SEMA3D: variants seen among roughly 807,000 people sequenced by gnomAD.
SEMA3D encodes semaphorin-3D.
SEMA3D carries 84 observed loss-of-function variants against 100.1 expected under a neutral mutation model. The observed-to-expected ratio is 0.84, with a 90% CI of 0.70 to 1.01. The LOEUF (loss-of-function observed/expected upper bound fraction) is 1.01. Among genes scored for constraint, SEMA3D ranks in the 50% least tolerant of loss-of-function variants. The pLI is 0.00. For missense variants in SEMA3D, 875 were observed against 934.1 expected (o/e 0.94, Z 0.82); for synonymous variants, 312 against 320.7 (o/e 0.97, Z 0.29).
intron 17 of SEMA3D, among the ~76,000 whole-genome samples, chr7:85,012,304 T>A (rs952118603): frequency 3.3e-5 from 5 of 151,790 alleles, no homozygotes; most frequent in African/African-American, 1.2e-4. Context: ...CACATGGAAG[T>A]CGCTTAATAA....
intron 3 of SEMA3D, 146 bp from the exon 4 acceptor site, chr7:85,098,111 A>C: frequency 7.4e-6 from 4 of 539,474 alleles, no homozygotes; most frequent in Non-Finnish European, 9.1e-6. Context: ...AAGAAAGAGA[A>C]AGAAAGAAAG....
rs543587368 is a variant in SEMA3D, at chr7:85,167,152, A to T, written c.-172-13413T>A. On this transcript the variant is annotated intron_variant, in intron 1 of 18. Transcript: ENST00000284136. ...CTGAAGATCATAAAAAGCCAAAACA[A>T]TATTATGTTTCATCATGCAGGGAGC... The T allele has an allele frequency of 1.5e-5, 7 of 477,282 alleles. No individual in the cohort carries two copies. The African/African-American group carries it at 1.5e-4, about 10-fold the overall frequency. 29.6% of individuals were successfully genotyped at this position (477,282 alleles called of 1,614,324 possible). A position where few individuals can be genotyped will look rare whatever the true frequency, so the allele number is the denominator to read the frequency against.
chr7:85,221,042 T>C, the SEMA3D span, among the ~76,000 whole-genome samples: 9 of 152,008 alleles, frequency 5.9e-5, no homozygotes, highest in Non-Finnish European at 1.2e-4. Context: ...TGGCCTCAGA[T>C]CTTTTCAAGC....
intron 2 of SEMA3D, among the ~76,000 whole-genome samples, chr7:85,130,526 G>A (rs928682035): frequency 1.3e-5 from 2 of 152,110 alleles, no homozygotes; most frequent in South Asian, 2.1e-4. Flanking sequence ...GCCCAGAAAC[G>A]AGCTGGATGT....
At chr7:85,052,997 G>A (rs556519586) in intron 9 of SEMA3D, among the ~76,000 whole-genome samples, 1 of 151,902 alleles carries the variant, frequency 6.6e-6, no homozygotes, top group Non-Finnish European at 1.5e-5. Context: ...AATAAAACTA[G>A]TTTTACAAGT....
chr7:85,081,373 C>A, intron 5 of SEMA3D, 144 bp downstream of exon 5: 1 of 517,062 alleles, frequency 1.9e-6, no homozygotes. Flanking sequence ...ATATTTTATT[C>A]CACATTAATA....
chr7:85,046,174 G>T (rs183839248), intron 9 of SEMA3D, among the ~76,000 whole-genome samples: 1 of 151,584 alleles, frequency 6.6e-6, no homozygotes, highest in Non-Finnish European at 1.5e-5. Context: ...CCTTTAATAG[G>T]CATATACAGT....
At chr7:85,158,632 C>A (rs1003924780) in intron 1 of SEMA3D, among the ~76,000 whole-genome samples, 2 of 152,166 alleles carry the variant, frequency 1.3e-5, no homozygotes, top group African/African-American at 2.4e-5. Flanking sequence ...TACCTTGTGA[C>A]ACATGTGATC....
chr7:85,058,556 G>A lies in SEMA3D; in HGVS notation c.719-2697C>T, dbSNP rs190950351. Among the ~76,000 whole-genome samples, 510 of 152,040 alleles carry A rather than the reference G, an allele frequency of 3.4e-3. 1 individual carries two copies. The highest frequency in any genetic ancestry group is 5.8e-3 in the Non-Finnish European group (396 of 68,002). ...AGGTAAAGAGATAGAGACCATCCTG[G>A]CTAACACGGTGAAAGCCCATCTCTA... On this transcript the variant is annotated intron_variant, in intron 8 of 18. Transcript: ENST00000284136.
chr7:85,098,356 C>T (rs139698047), intron 3 of SEMA3D, among the ~76,000 whole-genome samples: 252 of 151,544 alleles, frequency 1.7e-3, no homozygotes, highest in African/African-American at 4.3e-3. Flanking sequence ...AAATTAAATA[C>T]GAAATATTTT....
intron 6 of SEMA3D, among the ~76,000 whole-genome samples, chr7:85,068,574 C>G (rs951686273): frequency 2.0e-5 from 3 of 152,180 alleles, no homozygotes; most frequent in East Asian, 3.9e-4. Context: ...TTATCAATAT[C>G]GAAATCACCA....
intron 4 of SEMA3D, among the ~76,000 whole-genome samples, chr7:85,091,669 A>AG (rs1788398769): frequency 1.3e-5 from 2 of 152,080 alleles, no homozygotes; most frequent in Non-Finnish European, 2.9e-5. Flanking sequence ...GACAGTTACT[A>AG]TGTCGTTTCG....
rs1190100891 is a variant in SEMA3D, at chr7:84,997,295, C to A, written c.*2145G>T. 1.3e-5 allele frequency: 2 copies of A among 151,978 alleles called. No individual in the cohort carries two copies. Among genetic ancestry groups the A allele is most frequent in the Non-Finnish European group, 2.9e-5 (2 of 67,922 alleles). The allele number at this position is 151,978 out of a possible 1,614,324, so 9.4% of individuals were successfully genotyped here. On this transcript the variant is annotated 3_prime_UTR_variant, in exon 19 of 19. Transcript: ENST00000284136. ...ATTTTGATCATTACTGTCGGACCCA[C>A]AAATATTTGGAAATTTTTTTTAAAT...
chr7:85,166,198 T>C (rs1449048654), intron 1 of SEMA3D, among the ~76,000 whole-genome samples: 1 of 152,040 alleles, frequency 6.6e-6, no homozygotes, highest in East Asian at 1.9e-4. Flanking sequence ...TCATACTTAA[T>C]GTTGTTAGTT....
intron 9 of SEMA3D, among the ~76,000 whole-genome samples, chr7:85,049,700 G>A (rs1239558985): frequency 6.6e-6 from 1 of 151,780 alleles, no homozygotes; most frequent in East Asian, 1.9e-4. Context: ...TACGGAAAGT[G>A]TCATCGGCCT....
chr7:85,063,796 G>A (rs1196533951), intron 8 of SEMA3D, among the ~76,000 whole-genome samples: 1 of 152,102 alleles, frequency 6.6e-6, no homozygotes, highest in East Asian at 1.9e-4. Context: ...AAGCCATCAT[G>A]GTTTCAAGAT....
chr7:85,141,243 T>C, intron 2 of SEMA3D: 1 of 984,390 alleles, frequency 1.0e-6, no homozygotes, highest in Non-Finnish European at 1.2e-6. Context: ...ATTAACTTGT[T>C]GAAGAGGGAC....
the SEMA3D span, among the ~76,000 whole-genome samples, chr7:85,229,598 C>T: frequency 6.6e-6 from 1 of 151,834 alleles, no homozygotes. Context: ...ACTTTAAGTG[C>T]CCTTGATGAA....
chr7:85,161,962 G>A (rs993963856), intron 1 of SEMA3D, among the ~76,000 whole-genome samples: 3 of 152,044 alleles, frequency 2.0e-5, no homozygotes, highest in Non-Finnish European at 4.4e-5. Context: ...TAGTCAGACT[G>A]TCCATTTGTT....
Sources: gnomAD v4.1 joint callset for allele counts (sites outside exome capture counted in the v4.1 genomes callset) on GRCh38, gnomAD v4.1.1 for gene constraint, MANE v1.5 for transcripts, NCBI Gene and HGNC (gene_info 2026-07-23, HGNC 2026-07-21) for gene names.